Variants in STXBP4 observed in about 807,000 individuals in gnomAD.
STXBP4 encodes syntaxin-binding protein 4.
Under a neutral mutation model 76.1 loss-of-function variants are expected in STXBP4, and 55 were observed. The observed-to-expected ratio is 0.72, with a 90% CI of 0.58 to 0.91. The LOEUF is 0.91. Ranked by LOEUF, STXBP4 falls within the 40% of genes least tolerant of loss-of-function variation. The pLI is 0.00. For missense variants in STXBP4, 618 were observed against 636.9 expected, an observed-to-expected ratio of 0.97 and a Z score of 0.32; for synonymous variants, 201 against 220.2, an observed-to-expected ratio of 0.91 and a Z score of 0.77.
chr17:55,119,164 TG>T (rs1267407329), intron 16 of STXBP4, among the ~76,000 whole-genome samples: 1 of 151,990 alleles, frequency 6.6e-6, no homozygotes, highest in East Asian at 1.9e-4. Context: ...TTGATGCCCA[TG>T]GGCTTGTGCC....
intron 16 of STXBP4, among the ~76,000 whole-genome samples, chr17:55,104,612 G>T: frequency 6.6e-6 from 1 of 152,118 alleles, no homozygotes; most frequent in East Asian, 1.9e-4. Context: ...TCTTTGCCAG[G>T]TTTTGGTATC....
chr17:55,178,661 C>T, the STXBP4 span, among the ~76,000 whole-genome samples: 1 of 152,168 alleles, frequency 6.6e-6, no homozygotes, highest in South Asian at 2.1e-4. Context: ...TGTGAATTCC[C>T]ATGACCTGCT....
chr17:55,034,225 G>A lies in STXBP4; in HGVS notation c.821G>A (p.Gly274Asp). The change falls in exon 10 of 18, where the codon GGT becomes GAT. Residue 274 changes from glycine to aspartate, a missense_variant. Physicochemically the swap from Gly to Asp is moderately conservative, Grantham distance 94. Transcript: ENST00000376352. The part of the protein sequence containing the change: ...FCLQLDEVNV[G>D]AHEISNILDS... ...TTGCAGTTGGATGAAGTAAATGTTG[G>A]TGCACATGAAATTTCCAATATATTA... is the stretch of plus-strand genomic sequence containing the variant. 6.2e-7 allele frequency: 1 copy of A among 1,611,938 alleles called. No homozygotes were observed. The highest frequency in any genetic ancestry group is 8.5e-7 in the Non-Finnish European group (1 of 1,178,690).
intron 10 of STXBP4, among the ~76,000 whole-genome samples, chr17:55,042,365 G>A (rs949272713): frequency 2.0e-5 from 3 of 152,010 alleles, no homozygotes; most frequent in Admixed American, 1.3e-4. Flanking sequence ...CTTTAGCAAT[G>A]CATCTGCACA....
intron 1 of STXBP4, among the ~76,000 whole-genome samples, chr17:54,974,756 G>A (rs1436088699): frequency 6.6e-6 from 1 of 152,248 alleles, no homozygotes; most frequent in Non-Finnish European, 1.5e-5. Flanking sequence ...GCATTGTACA[G>A]TAAGCAGCAG....
intron 16 of STXBP4, among the ~76,000 whole-genome samples, chr17:55,121,944 A>C (rs1177927300): frequency 6.6e-6 from 1 of 152,092 alleles, no homozygotes; most frequent in Non-Finnish European, 1.5e-5. Context: ...CCTAAAGGAT[A>C]CTAGAGTAGA....
chr17:55,055,064 A>G (rs2078907080), intron 12 of STXBP4, among the ~76,000 whole-genome samples: 1 of 152,128 alleles, frequency 6.6e-6, no homozygotes, highest in East Asian at 1.9e-4. Context: ...CTACCTTACA[A>G]TTTTTTCATA....
chr17:55,084,214 C>G (rs911400270), intron 16 of STXBP4, among the ~76,000 whole-genome samples: 1 of 152,154 alleles, frequency 6.6e-6, no homozygotes, highest in Admixed American at 6.5e-5. Context: ...TTTTGCTTTG[C>G]ATTTCTCTGA....
chr17:54,975,423 T>C (rs1004333316), intron 1 of STXBP4, among the ~76,000 whole-genome samples: 1 of 152,324 alleles, frequency 6.6e-6, no homozygotes, highest in South Asian at 2.1e-4. Flanking sequence ...TAGATAGAGA[T>C]GCAGATACAG....
chr17:55,139,014 A>G (rs561674097), intron 16 of STXBP4, among the ~76,000 whole-genome samples: 40 of 152,202 alleles, frequency 2.6e-4, no homozygotes, highest in Non-Finnish European at 5.2e-4. Context: ...AGAAACACTT[A>G]TTTTCTCAGA....
chr17:55,135,113 C>G (rs1371406674), intron 16 of STXBP4, among the ~76,000 whole-genome samples: 4 of 152,112 alleles, frequency 2.6e-5, no homozygotes, highest in African/African-American at 9.7e-5. Flanking sequence ...TTCCCCTTCT[C>G]TTTTATTGGT....
intron 4 of STXBP4, among the ~76,000 whole-genome samples, chr17:54,995,305 C>T (rs764589663): frequency 2.0e-5 from 3 of 152,134 alleles, no homozygotes; most frequent in South Asian, 4.1e-4. Flanking sequence ...GTCAGATTTC[C>T]GACAACACTT....
chr17:55,085,190 A>C (rs1194235346), intron 16 of STXBP4, among the ~76,000 whole-genome samples: 1 of 146,822 alleles, frequency 6.8e-6, no homozygotes, highest in Non-Finnish European at 1.5e-5. Flanking sequence ...GGGGAACATC[A>C]CACTCTGGGG....
chr17:55,073,050 C>G lies in STXBP4; in HGVS notation c.1162C>G (p.Leu388Val), dbSNP rs2079141664. ...EAKITELKAQLADYSDQNKES... is the reference protein window; with the variant it reads ...EAKITELKAQVADYSDQNKES... Reference sequence around the variant, plus strand: ...CAAGATTACAGAGCTAAAGGCTCAGCTTGCTGATTATTCTGACCAAAATAA... The same window carrying G: ...CAAGATTACAGAGCTAAAGGCTCAGGTTGCTGATTATTCTGACCAAAATAA... Residue 388 changes from leucine to valine, a missense_variant, in exon 13 of 18, where the codon CTT becomes GTT. Physicochemically the swap from Leu to Val is conservative, Grantham distance 32 (BLOSUM62 1). Transcript: ENST00000376352. The G allele has an allele frequency of 6.2e-7, 1 of 1,613,614 alleles. No individual in the cohort carries two copies. The highest frequency in any genetic ancestry group is 1.7e-5 in the Admixed American group (1 of 59,944).
chr17:55,193,034 C>T, the STXBP4 span, among the ~76,000 whole-genome samples: 5 of 152,270 alleles, frequency 3.3e-5, no homozygotes, highest in African/African-American at 1.2e-4. Flanking sequence ...AATTTGAGTG[C>T]CAACAGACTC....
intron 11 of STXBP4, chr17:55,044,154 GC>G (rs1403828082): frequency 6.6e-6 from 1 of 152,030 alleles, no homozygotes; most frequent in African/African-American, 2.4e-5. Context: ...ACCATGTCTG[GC>G]CTTGATTCTC....
chr17:55,179,683 A>C, the STXBP4 span, among the ~76,000 whole-genome samples: 1 of 152,212 alleles, frequency 6.6e-6, no homozygotes, highest in East Asian at 1.9e-4. Flanking sequence ...GAAGATCTTT[A>C]TTATGATCCA....
chr17:55,139,458 G>A (rs998923409), intron 16 of STXBP4, among the ~76,000 whole-genome samples: 4 of 152,068 alleles, frequency 2.6e-5, no homozygotes, highest in African/African-American at 9.7e-5. Context: ...TGGAAATCCT[G>A]TTATTTCTGA....
rs1314165747 is a variant in STXBP4, at chr17:55,078,190, T to C, written c.1301T>C (p.Val434Ala). Residue 434 changes from valine (V) to alanine (A), a missense_variant, in exon 14 of 18, where the codon GTA becomes GCA. Val to Ala is a moderately conservative substitution (Grantham distance 64). Transcript: ENST00000376352. ...EASTEKLLHFVEAIQEVFSDN... is the reference protein window; with the variant it reads ...EASTEKLLHFAEAIQEVFSDN... ...TCCACTGAAAAGCTTCTTCATTTTG[T>C]AGAGGTAAGTTTTTCTGTTCTATTA... The C allele has an allele frequency of 6.2e-7, 1 of 1,602,740 alleles. No individual in the cohort carries two copies.
Sources: gnomAD v4.1 joint callset for allele counts (sites outside exome capture counted in the v4.1 genomes callset) on GRCh38, gnomAD v4.1.1 for gene constraint, MANE v1.5 for transcripts, NCBI Gene and HGNC (gene_info 2026-07-23, HGNC 2026-07-21) for gene names.